Variants in MCHR2 observed in about 807,000 individuals in gnomAD.
MCHR2 encodes melanin concentrating hormone receptor 2, also known as melanin-concentrating hormone receptor 2.
MCHR2 carries 15 observed loss-of-function variants against 24.8 expected under a neutral mutation model. That is an observed-to-expected ratio of 0.60 (90% confidence interval 0.40 to 0.93). The LOEUF (loss-of-function observed/expected upper bound fraction) is 0.93, where lower values mean the gene tolerates loss of function less well. MCHR2 is among the 40% of genes least tolerant of loss of function. The probability of loss-of-function intolerance (pLI) is 0.00; values close to 1 mark genes in which losing one functional copy is unlikely to be tolerated. For missense variants in MCHR2, 386 were observed against 408.7 expected (o/e 0.94, Z 0.48); for synonymous variants, 151 against 147.6 (o/e 1.02, Z -0.17).
intron 1 of MCHR2, among the ~76,000 whole-genome samples, chr6:99,959,826 A>G (rs980487898): frequency 6.7e-6 from 1 of 148,598 alleles, no homozygotes; most frequent in Admixed American, 6.7e-5. Flanking sequence ...AGAAACAATA[A>G]TAATAATGAT....
In MCHR2 at chr6:99,921,159, AT is replaced by A; in HGVS notation, c.803del (p.His268LeufsTer2). 6.2e-7 allele frequency: 1 copy of A among 1,614,208 alleles called. No individual in the cohort carries two copies. Among genetic ancestry groups the A allele is most frequent in the African/African-American group, 1.3e-5 (1 of 75,060 alleles). ...TCTGTAAGTTCACCAGTTGTATCAC[AT>A]GATAAGGGGCAGCACTCAGGATAAA... is the stretch of plus-strand genomic sequence containing the variant. ...VVFILSAAPY[H>X]VIQLVNLQME... is the part of the protein sequence containing the mutation. On this transcript the variant is annotated frameshift_variant, in exon 6 of 6. Transcript: ENST00000281806. LOFTEE classifies it low-confidence loss of function (END_TRUNC).
chr6:99,960,434 C>G (rs1017785448), intron 1 of MCHR2, among the ~76,000 whole-genome samples: 3 of 152,058 alleles, frequency 2.0e-5, no homozygotes, highest in Non-Finnish European at 4.4e-5. Context: ...TCAATGCCAT[C>G]CCCATCAAGC....
chr6:99,922,130 G>T (rs1447886341), intron 5 of MCHR2, among the ~76,000 whole-genome samples: 1 of 139,890 alleles, frequency 7.1e-6, no homozygotes. Context: ...TTTTTGAGAC[G>T]GAGTCTCGCT....
intron 5 of MCHR2, among the ~76,000 whole-genome samples, chr6:99,922,955 G>A (rs1774270008): frequency 6.6e-6 from 1 of 151,748 alleles, no homozygotes; most frequent in Admixed American, 6.6e-5. Context: ...GATAGACATT[G>A]CTTTGAATCC....
chr6:99,991,926 G>A (rs746738809), intron 1 of MCHR2, among the ~76,000 whole-genome samples: 3 of 152,132 alleles, frequency 2.0e-5, no homozygotes, highest in Non-Finnish European at 4.4e-5. Flanking sequence ...CATGAAGAAG[G>A]TTCTTCTTCT....
intron 5 of MCHR2, among the ~76,000 whole-genome samples, chr6:99,924,305 A>G (rs902482136): frequency 6.6e-6 from 1 of 151,754 alleles, no homozygotes; most frequent in Admixed American, 6.6e-5. Flanking sequence ...TCTTTTTCTC[A>G]GTTAGTCTGG....
chr6:99,982,877 G>A (rs1209037818), intron 1 of MCHR2, among the ~76,000 whole-genome samples: 1 of 152,184 alleles, frequency 6.6e-6, no homozygotes, highest in African/African-American at 2.4e-5. Context: ...TCAAGACAGA[G>A]CACTGTCTTG....
intron 1 of MCHR2, among the ~76,000 whole-genome samples, chr6:99,980,456 A>G (rs1436528509): frequency 6.6e-6 from 1 of 152,150 alleles, no homozygotes; most frequent in Non-Finnish European, 1.5e-5. Context: ...ATTCTATAGA[A>G]CTATGGTTCA....
intron 1 of MCHR2, among the ~76,000 whole-genome samples, chr6:99,991,792 G>C (rs12215875): frequency 0.29 from 35,844 of 123,824 alleles, 5,539 homozygotes; most frequent in East Asian, 0.6. Context: ...CTGGGTGACA[G>C]AGTGAGACTC....
intron 3 of MCHR2, among the ~76,000 whole-genome samples, chr6:99,946,024 T>A (rs946395468): frequency 2.1e-4 from 32 of 152,164 alleles, no homozygotes; most frequent in Admixed American, 1.3e-3. Flanking sequence ...CTGTTTATTT[T>A]TTTTTTTTTC....
At chr6:99,953,067 T>C (rs529679305) in intron 2 of MCHR2, among the ~76,000 whole-genome samples, 4 of 152,284 alleles carry the variant, frequency 2.6e-5, no homozygotes, top group African/African-American at 9.6e-5. Context: ...CAGCTCAGAA[T>C]TGACTTTTAG....
At position 99,947,787 on chromosome 6, in the gene MCHR2, T is replaced by A. The variant is rs1195491749; in HGVS notation, c.367A>T (p.Ile123Phe). 1 of 1,613,780 alleles carries A rather than the reference T, an allele frequency of 6.2e-7. No homozygotes were observed. Among genetic ancestry groups the A allele is most frequent in the South Asian group, 1.1e-5 (1 of 91,076 alleles). ...DTCNQFACSAIMTVMSVDRYF... is the reference protein window; with the variant it reads ...DTCNQFACSAFMTVMSVDRYF... ...CTGTCCACACTCATTACAGTCATGA[T>A]GGCACTACAGGCAAATTGGTTACAA... The change falls in exon 3 of 6, where the codon ATC (isoleucine) becomes TTC (phenylalanine). Residue 123 changes from isoleucine to phenylalanine, a missense_variant. Transcript: ENST00000281806.
At chr6:99,968,595 T>C (rs566502505) in intron 1 of MCHR2, among the ~76,000 whole-genome samples, 61 of 152,258 alleles carry the variant, frequency 4.0e-4, no homozygotes, top group African/African-American at 1.4e-3. Context: ...ATTACAGTCA[T>C]ATTGGCTGGG....
At chr6:99,955,114 T>A (rs1353760949) in intron 2 of MCHR2, among the ~76,000 whole-genome samples, 1 of 152,166 alleles carries the variant, frequency 6.6e-6, no homozygotes, top group Non-Finnish European at 1.5e-5. Flanking sequence ...CAATTTTAAG[T>A]ATAATCAGAA....
chr6:99,973,135 G>C (rs1376127525), intron 1 of MCHR2, among the ~76,000 whole-genome samples: 1 of 151,564 alleles, frequency 6.6e-6, no homozygotes, highest in Non-Finnish European at 1.5e-5. Flanking sequence ...TTTCTGTCTC[G>C]TTGATCTGTC....
intron 2 of MCHR2, among the ~76,000 whole-genome samples, chr6:99,953,992 G>T (rs1473705253): frequency 6.6e-6 from 1 of 152,026 alleles, no homozygotes; most frequent in African/African-American, 2.4e-5. Context: ...GCCACCTGGG[G>T]AAGTGACAAG....
At chr6:99,921,610 C>T (rs1406684107) in intron 5 of MCHR2, among the ~76,000 whole-genome samples, 1 of 152,160 alleles carries the variant, frequency 6.6e-6, no homozygotes, top group African/African-American at 2.4e-5. Context: ...AGCATTTATA[C>T]TTTGTATTAC....
chr6:99,983,531 G>T (rs17060019), intron 1 of MCHR2, among the ~76,000 whole-genome samples: 2 of 152,080 alleles, frequency 1.3e-5, no homozygotes, highest in Non-Finnish European at 2.9e-5. Flanking sequence ...ATTTGAAATC[G>T]TCACACTCAA....
chr6:99,959,637 T>A (rs1775139298), intron 1 of MCHR2, among the ~76,000 whole-genome samples: 2 of 71,320 alleles, frequency 2.8e-5, no homozygotes, highest in African/African-American at 8.4e-5. Flanking sequence ...AAATGAGAGT[T>A]TCAGCAAAGG....
Sources: gnomAD v4.1 joint callset for allele counts (sites outside exome capture counted in the v4.1 genomes callset) on GRCh38, gnomAD v4.1.1 for gene constraint, MANE v1.5 for transcripts, NCBI Gene and HGNC (gene_info 2026-07-23, HGNC 2026-07-21) for gene names.